HIF3A: variants seen among roughly 807,000 people sequenced by gnomAD.
HIF3A encodes the protein hypoxia-inducible factor 3-alpha.
HIF3A carries 41 observed loss-of-function variants against 67.2 expected under a neutral mutation model. The observed-to-expected ratio is 0.61, with a 90% CI of 0.48 to 0.79. The LOEUF is 0.79. Ranked by LOEUF, HIF3A falls within the 30% of genes least tolerant of loss-of-function variation. HIF3A has a pLI of 0.00. For synonymous variants in HIF3A, 356 were observed against 374.8 expected (o/e 0.95, Z 0.58); for missense variants, 855 against 898.0 (o/e 0.95, Z 0.61).
At chr19:46,325,844 A>G (rs747275225) in intron 11 of HIF3A, among the ~76,000 whole-genome samples, 4 of 152,208 alleles carry the variant, frequency 2.6e-5, no homozygotes, top group Non-Finnish European at 5.9e-5. Flanking sequence ...GGGTAGGTGG[A>G]TGAATGTTTG....
intron 10 of HIF3A, among the ~76,000 whole-genome samples, chr19:46,323,637 G>A (rs943700755): frequency 1.2e-4 from 19 of 152,120 alleles, no homozygotes; most frequent in Non-Finnish European, 2.4e-4. Context: ...GTATTAGTCT[G>A]TCTTCACGCT....
At chr19:46,298,520 T>C (rs1445829524) in intron 1 of HIF3A, 1 of 1,272,800 alleles carries the variant, frequency 7.9e-7, no homozygotes, top group Non-Finnish European at 1.0e-6. Context: ...CGATGGTGAG[T>C]GGGCCCCCAA....
chr19:46,313,083 C>T, intron 8 of HIF3A: 1 of 752,640 alleles, frequency 1.3e-6, no homozygotes, highest in South Asian at 6.0e-5. Flanking sequence ...AATGCTGTTT[C>T]TACTAATAAT....
chr19:46,341,441 C>T lies in HIF3A; in HGVS notation c.*1819C>T, dbSNP rs1412365834. Reference sequence around the variant, plus strand: ...TCTTGAACTCCCGACCTCAACTGATCCACCCGCCTCAGCCTCCCAAAGTGC... The same window carrying T: ...TCTTGAACTCCCGACCTCAACTGATTCACCCGCCTCAGCCTCCCAAAGTGC... On this transcript the variant is annotated 3_prime_UTR_variant, in exon 15 of 15. Transcript: ENST00000377670. The T allele has an allele frequency of 6.6e-6, 1 of 151,952 alleles. No homozygotes were observed. The highest frequency in any genetic ancestry group is 2.4e-5 in the African/African-American group (1 of 41,382). The allele number at this position is 151,952 out of a possible 1,614,324, so 9.4% of individuals were successfully genotyped here.
intron 13 of HIF3A, among the ~76,000 whole-genome samples, chr19:46,332,346 C>A (rs1457544260): frequency 6.8e-6 from 1 of 146,270 alleles, no homozygotes; most frequent in African/African-American, 2.5e-5. Context: ...CCAGCCTGGG[C>A]AACATAGTAA....
rs1010299132 is a variant in HIF3A, at chr19:46,304,185, T to C, written c.217+97T>C. On this transcript the variant is annotated intron_variant, in intron 2 of 14. Coordinates refer to ENST00000377670, the MANE Select transcript of HIF3A (RefSeq NM_152795.4). ...GCCCCTCCTCCGGGAAGCCTTATTC[T>C]GACAAAGCCCCGCCCCCTGGTGTCG... 1.2e-5 allele frequency: 13 copies of C among 1,116,932 alleles called. No homozygotes were observed. The African/African-American group carries it at 1.9e-4, about 16-fold the overall frequency. 69.2% of individuals were successfully genotyped at this position (1,116,932 alleles called of 1,614,324 possible).
At position 46,338,596 on chromosome 19, in the gene HIF3A, C is replaced by T. The variant is rs1971796664; in HGVS notation, c.1913-929C>T. 12 of 960,906 alleles carry T rather than the reference C, an allele frequency of 1.2e-5. No homozygotes were observed. The South Asian group carries it at 2.7e-4, about 21-fold the overall frequency. The allele number at this position is 960,906 out of a possible 1,614,324, so 59.5% of individuals were successfully genotyped here. On this transcript the variant is annotated intron_variant, in intron 14 of 14. Coordinates refer to ENST00000377670, the MANE Select transcript of HIF3A (RefSeq NM_152795.4). Reference sequence around the variant, plus strand: ...ACAACAGCTGACTTAACTGCTTTCTCACCAGTACTAGTTATGGTTCAAAAC... The same window carrying T: ...ACAACAGCTGACTTAACTGCTTTCTTACCAGTACTAGTTATGGTTCAAAAC...
At chr19:46,334,460 C>T (rs1305947543) in intron 13 of HIF3A, among the ~76,000 whole-genome samples, 2 of 152,116 alleles carry the variant, frequency 1.3e-5, no homozygotes, top group South Asian at 2.1e-4. Context: ...TCTCAAACTC[C>T]TGACCTCAGG....
intron 6 of HIF3A, chr19:46,310,678 T>C: frequency 2.2e-6 from 1 of 447,012 alleles, no homozygotes; most frequent in Admixed American, 2.5e-5. Context: ...TGTACAGTCG[T>C]TCTGAGCAGC....
intron 6 of HIF3A, 123 bp downstream of exon 6, chr19:46,309,482 T>A: frequency 1.6e-6 from 1 of 637,664 alleles, no homozygotes; most frequent in Non-Finnish European, 2.7e-6. Flanking sequence ...TCTCTCTCTC[T>A]CTTTGTGTGC....
chr19:46,324,512 C>T (rs984163003), intron 10 of HIF3A, among the ~76,000 whole-genome samples: 2 of 152,166 alleles, frequency 1.3e-5, no homozygotes, highest in Non-Finnish European at 2.9e-5. Context: ...TGTTTCCCCA[C>T]TAAACTCCAG....
chr19:46,304,005 G>A lies in HIF3A; in HGVS notation c.134G>A (p.Arg45His), dbSNP rs745730884. Residue 45 changes from arginine (R) to histidine (H), a missense_variant, in exon 2 of 15, where the codon CGC becomes CAC. Transcript: ENST00000377670. ...CTGGCTCACACGCTGCCCTTCGCCC[G>A]CGGCGTCAGCGCCCACCTGGACAAG... ...YQLAHTLPFA[R>H]GVSAHLDKAS... 3 of 1,594,046 alleles carry A rather than the reference G, an allele frequency of 1.9e-6. No homozygotes were observed. Among genetic ancestry groups the A allele is most frequent in the Non-Finnish European group, 2.6e-6 (3 of 1,171,148 alleles).
At chr19:46,298,538 T>C (rs1413025862) in intron 1 of HIF3A, 4 of 1,254,414 alleles carry the variant, frequency 3.2e-6, no homozygotes, top group Non-Finnish European at 4.1e-6. Context: ...CAACACCTCC[T>C]TTCCCCCTTC....
Position 46,343,429 on chromosome 19 carries a change from C to T in HIF3A, c.*3807C>T, listed in dbSNP as rs1309366822. On this transcript the variant is annotated 3_prime_UTR_variant, in exon 15 of 15. Coordinates refer to ENST00000377670, the MANE Select transcript of HIF3A (RefSeq NM_152795.4). ...CATAAAGACCTCACCTTGGTAGGCA[C>T]CAGAGCTCTGCGTGTTGACTCATCT... is the stretch of plus-strand genomic sequence containing the variant. The T allele has an allele frequency of 6.6e-6, 1 of 152,366 alleles. No individual in the cohort carries two copies. The highest frequency in any genetic ancestry group is 2.4e-5 in the African/African-American group (1 of 41,406). 9.4% of individuals were successfully genotyped at this position (152,366 alleles called of 1,614,324 possible).
At chr19:46,331,436 ATGGGTATTAAAAACCT>A (rs1234328996) in intron 13 of HIF3A, 163 bp downstream of exon 13, 30 of 408,782 alleles carry the variant, frequency 7.3e-5, no homozygotes, top group Non-Finnish European at 1.3e-4. Context: ...AGTTTCACTA[ATGGGTATTAAAAACCT>A]CTGCAGTGAA....
chr19:46,313,405 T>C (rs1440849848), intron 8 of HIF3A: 1 of 677,878 alleles, frequency 1.5e-6, no homozygotes, highest in African/African-American at 2.3e-5. Context: ...GGAGGATTGC[T>C]AGAGCCTGGG....
At chr19:46,305,092 A>T in intron 2 of HIF3A, 153 bp from the exon 3 acceptor site, 8 of 1,067,078 alleles carry the variant, frequency 7.5e-6, no homozygotes, top group Non-Finnish European at 1.0e-5. Flanking sequence ...CTTCCTTGGG[A>T]ATCCAGGCCA....
chr19:46,326,933 C>T (rs909870508), intron 11 of HIF3A, among the ~76,000 whole-genome samples: 1 of 152,102 alleles, frequency 6.6e-6, no homozygotes, highest in African/African-American at 2.4e-5. Flanking sequence ...GCAGGTGGAT[C>T]TTGAGGTCAG....
chr19:46,306,801 G>A (rs2147139359), intron 3 of HIF3A, among the ~76,000 whole-genome samples: 1 of 152,278 alleles, frequency 6.6e-6, no homozygotes, highest in Non-Finnish European at 1.5e-5. Flanking sequence ...GGCACAGCCA[G>A]GATTTGACTC....
Sources: allele counts gnomAD v4.1 joint callset (sites outside exome capture counted in the v4.1 genomes callset), GRCh38; gene constraint gnomAD v4.1.1; transcripts MANE v1.5; gene names NCBI Gene and HGNC (gene_info 2026-07-23, HGNC 2026-07-21).